The following PTPRD variants were observed in gnomAD, a reference collection of about 807,000 sequenced individuals.
PTPRD encodes the protein protein tyrosine phosphatase receptor type D, also known as receptor-type tyrosine-protein phosphatase delta.
In PTPRD, 34 loss-of-function variants were observed where a neutral mutation model predicts 214.5. The observed-to-expected ratio is 0.16, with a 90% CI of 0.12 to 0.21. The LOEUF is 0.21. Among genes scored for constraint, PTPRD ranks in the 10% least tolerant of loss-of-function variants. PTPRD has a pLI of 1.00. For synonymous variants in PTPRD, 1,128 were observed against 845.7 expected (o/e 1.33, Z -5.79); for missense variants, 2,545 against 2,398.7 (o/e 1.06, Z -1.27).
chr9:10,259,640 C>G (rs1318382833), intron 3 of PTPRD, among the ~76,000 whole-genome samples: 4 of 151,940 alleles, frequency 2.6e-5, no homozygotes, highest in Non-Finnish European at 5.9e-5. Flanking sequence ...CTATAATTTT[C>G]CTTTAAACTG....
intron 11 of PTPRD, among the ~76,000 whole-genome samples, chr9:8,916,169 G>C (rs796588243): frequency 7.9e-5 from 12 of 152,222 alleles, no homozygotes; most frequent in African/African-American, 2.9e-4. Context: ...ACTCAGAAGA[G>C]AAGTTTGGTT....
At chr9:9,669,001 A>G (rs1291330329) in intron 7 of PTPRD, among the ~76,000 whole-genome samples, 1 of 152,196 alleles carries the variant, frequency 6.6e-6, no homozygotes, top group African/African-American at 2.4e-5. Context: ...GTAAATTAAT[A>G]GCAGATTGTT....
intron 7 of PTPRD, among the ~76,000 whole-genome samples, chr9:9,596,499 G>A (rs1002741512): frequency 6.6e-6 from 1 of 151,934 alleles, no homozygotes; most frequent in Non-Finnish European, 1.5e-5. Flanking sequence ...CTAATACACA[G>A]AAATATTTTT....
intron 11 of PTPRD, among the ~76,000 whole-genome samples, chr9:8,955,449 C>G (rs1273675823): frequency 1.3e-5 from 2 of 151,556 alleles, no homozygotes; most frequent in Non-Finnish European, 3.0e-5. Context: ...TGGTAAAGGA[C>G]AGGGGGAGAG....
rs1820861813 is a variant in PTPRD at position 8,314,449 on chromosome 9, T to C, written c.*3425A>G. On this transcript the variant is annotated 3_prime_UTR_variant, in exon 46 of 46. Coordinates refer to ENST00000381196, the MANE Select transcript of PTPRD (RefSeq NM_002839.4). ...TTTTAACAAGCCATTTTACAAGTTA[T>C]TTGTTTTAATTTTTCAGTCTATGCA... 3 of 231,074 alleles carry C rather than the reference T, an allele frequency of 1.3e-5. No homozygotes were observed. The South Asian group carries it at 5.4e-4, about 42-fold the overall frequency. 14.3% of individuals were successfully genotyped at this position (231,074 alleles called of 1,614,324 possible). A position where few individuals can be genotyped will look rare whatever the true frequency, so the allele number is the denominator to read the frequency against.
intron 10 of PTPRD, among the ~76,000 whole-genome samples, chr9:9,174,816 T>C (rs982143968): frequency 1.3e-5 from 2 of 152,116 alleles, no homozygotes; most frequent in African/African-American, 4.8e-5. Flanking sequence ...GTGCTAATGA[T>C]TTTCTTTTTT....
chr9:8,974,369 T>C (rs907096055), intron 11 of PTPRD, among the ~76,000 whole-genome samples: 1 of 152,124 alleles, frequency 6.6e-6, no homozygotes, highest in South Asian at 2.1e-4. Flanking sequence ...TCTACTAGTG[T>C]ACCAACTCTT....
chr9:10,231,086 A>T (rs1389391637), intron 3 of PTPRD, among the ~76,000 whole-genome samples: 1 of 152,002 alleles, frequency 6.6e-6, no homozygotes, highest in East Asian at 1.9e-4. Flanking sequence ...GAAATGGAAA[A>T]GCTTCAAAAG....
At chr9:9,444,655 G>C (rs1387815688) in intron 8 of PTPRD, among the ~76,000 whole-genome samples, 1 of 152,116 alleles carries the variant, frequency 6.6e-6, no homozygotes, top group African/African-American at 2.4e-5. Context: ...CTGACCCCAA[G>C]TTAGACTGGG....
intron 11 of PTPRD, among the ~76,000 whole-genome samples, chr9:8,817,036 A>G (rs140861597): frequency 1.3e-5 from 2 of 152,340 alleles, no homozygotes; most frequent in African/African-American, 4.8e-5. Context: ...TGAATCAACA[A>G]TATGAACCCC....
At chr9:9,108,119 C>A (rs2099801213) in intron 10 of PTPRD, among the ~76,000 whole-genome samples, 1 of 152,138 alleles carries the variant, frequency 6.6e-6, no homozygotes, top group African/African-American at 2.4e-5. Context: ...TCACGGAATA[C>A]TATTTCCAAG....
chr9:8,363,769 C>G (rs1315969719), intron 39 of PTPRD, among the ~76,000 whole-genome samples: 1 of 152,196 alleles, frequency 6.6e-6, no homozygotes, highest in Non-Finnish European at 1.5e-5. Flanking sequence ...TGAAGACAGA[C>G]AGCCCCCACC....
intron 10 of PTPRD, among the ~76,000 whole-genome samples, chr9:9,097,663 G>A (rs2099785538): frequency 6.6e-6 from 1 of 151,942 alleles, no homozygotes; most frequent in South Asian, 2.1e-4. Context: ...GCCCGCCTCG[G>A]CCTCCCAAAG....
At chr9:10,182,287 A>T (rs544071411) in intron 3 of PTPRD, among the ~76,000 whole-genome samples, 1 of 150,958 alleles carries the variant, frequency 6.6e-6, no homozygotes, top group African/African-American at 2.4e-5. Context: ...AAAGAAAAGA[A>T]AAAAGAAAGG....
At chr9:8,811,042 G>A (rs937444222) in intron 11 of PTPRD, among the ~76,000 whole-genome samples, 6 of 152,116 alleles carry the variant, frequency 3.9e-5, no homozygotes, top group Admixed American at 6.6e-5. Context: ...GGCAGGGTGC[G>A]GTCAGCATTC....
rs1162865160 is a variant in PTPRD, at chr9:8,327,639, TAA to T, written c.5534+3941_5534+3942del. The stretch of plus-strand genomic sequence containing the variant: ...CTGTCTAATATTGACAGTGGGGTGT[TAA>T]AGTCTCCCACTATTATTGTGTGGGA... On this transcript the variant is annotated intron_variant, in intron 44 of 45. Coordinates refer to ENST00000381196, the MANE Select transcript of PTPRD (RefSeq NM_002839.4). 3.9e-5 allele frequency among the ~76,000 whole-genome samples: 6 copies of T among 152,050 alleles called. No homozygotes were observed. The South Asian group carries it at 1.2e-3, about 32-fold the overall frequency.
chr9:10,531,560 T>A (rs1446563034), intron 2 of PTPRD, among the ~76,000 whole-genome samples: 1 of 152,292 alleles, frequency 6.6e-6, no homozygotes, highest in Middle Eastern at 3.4e-3. Context: ...TTGCTTATAT[T>A]CATGAGTGTT....
chr9:9,812,800 G>A (rs1421207977), intron 5 of PTPRD, among the ~76,000 whole-genome samples: 2 of 152,112 alleles, frequency 1.3e-5, no homozygotes, highest in Non-Finnish European at 1.5e-5. Flanking sequence ...GACATATGCA[G>A]AAAATGCCAT....
intron 11 of PTPRD, among the ~76,000 whole-genome samples, chr9:8,889,957 T>C (rs768258353): frequency 1.3e-5 from 2 of 152,210 alleles, no homozygotes; most frequent in Non-Finnish European, 2.9e-5. Context: ...ATGACTCCTT[T>C]TCCTCTGGGT....
Sources: gnomAD v4.1 joint callset for allele counts (sites outside exome capture counted in the v4.1 genomes callset) on GRCh38, gnomAD v4.1.1 for gene constraint, MANE v1.5 for transcripts, NCBI Gene and HGNC (gene_info 2026-07-23, HGNC 2026-07-21) for gene names.